USP34: variants seen among roughly 807,000 people sequenced by gnomAD.
USP34 encodes ubiquitin carboxyl-terminal hydrolase 34.
In USP34, 70 loss-of-function variants were observed where a neutral mutation model predicts 460.3. That is an observed-to-expected ratio of 0.15 (90% CI 0.13 to 0.19). USP34 has a LOEUF of 0.19. Among genes scored for constraint, USP34 ranks in the 10% least tolerant of loss-of-function variants. USP34 has a pLI of 1.00. For missense variants in USP34, 3,985 were observed against 4,236.2 expected, an observed-to-expected ratio of 0.94 and a Z score of 1.65; for synonymous variants, 1,647 against 1,405.3, an observed-to-expected ratio of 1.17 and a Z score of -3.85.
At chr2:61,353,192 G>C (rs149998502) in intron 10 of USP34, among the ~76,000 whole-genome samples, 2 of 152,178 alleles carry the variant, frequency 1.3e-5, no homozygotes, top group African/African-American at 2.4e-5. Context: ...TCTCTGTTCC[G>C]ACAGCTAGCT....
rs1692927407 is a variant in USP34, at chr2:61,380,117, T to C, written c.1014+52A>G. On this transcript the variant is annotated intron_variant, in intron 7 of 79. Transcript: ENST00000398571. ...CCATAAATAGTGGGTAGTATTATGA[T>C]AGACCAGAAAACAAATAAACGATGA... 5 of 1,535,530 alleles carry C rather than the reference T, an allele frequency of 3.3e-6. No homozygotes were observed. In the South Asian group the frequency reaches 6.1e-5, roughly 19 times the overall value.
chr2:61,403,481 A>T (rs1022626901), intron 3 of USP34, among the ~76,000 whole-genome samples: 1 of 152,328 alleles, frequency 6.6e-6, no homozygotes, highest in Admixed American at 6.5e-5. Flanking sequence ...GTGTTTATGT[A>T]GATTAAATAT....
intron 2 of USP34, among the ~76,000 whole-genome samples, chr2:61,407,374 G>C (rs568352885): frequency 4.6e-5 from 7 of 152,298 alleles, no homozygotes; most frequent in African/African-American, 9.6e-5. Flanking sequence ...AAAAGGCAGG[G>C]AACGGTCTGG....
intron 1 of USP34, among the ~76,000 whole-genome samples, chr2:61,436,295 GT>G (rs1694810339): frequency 6.6e-6 from 1 of 152,152 alleles, no homozygotes. Flanking sequence ...GTGCCAGCCT[GT>G]GCAACAGAGC....
chr2:61,246,905 C>T (rs959810656), intron 49 of USP34, among the ~76,000 whole-genome samples: 1 of 151,974 alleles, frequency 6.6e-6, no homozygotes, highest in Non-Finnish European at 1.5e-5. Context: ...TAGGAGCAGA[C>T]AAACCTAAGA....
At chr2:61,353,176 C>G (rs975649788) in intron 10 of USP34, among the ~76,000 whole-genome samples, 2 of 152,194 alleles carry the variant, frequency 1.3e-5, no homozygotes, top group Admixed American at 6.5e-5. Context: ...CCCTGAACAT[C>G]AAGATTCTCT....
intron 1 of USP34, among the ~76,000 whole-genome samples, chr2:61,424,403 G>A (rs1188239835): frequency 6.6e-6 from 1 of 152,166 alleles, no homozygotes; most frequent in African/African-American, 2.4e-5. Flanking sequence ...GTTACTCGGT[G>A]CATGACTGTA....
At chr2:61,395,326 A>C in intron 3 of USP34, 93 bp from the exon 4 acceptor site, 1 of 812,352 alleles carries the variant, frequency 1.2e-6, no homozygotes, top group African/African-American at 1.8e-5. Context: ...ATAAAAACCG[A>C]ATAAACAGAT....
intron 1 of USP34, among the ~76,000 whole-genome samples, chr2:61,435,307 C>CAAAAAAAAAAAAAAAAAAAAAAAAAAAAA (rs59158283): frequency 2.4e-5 from 1 of 40,950 alleles, no homozygotes; most frequent in African/African-American, 1.0e-4. Flanking sequence ...GACCTTGTTT[C>CAAAAAAAAAAAAAAAAAAAAAAAAAAAAA]AAAAAAAAAA....
intron 69 of USP34, among the ~76,000 whole-genome samples, chr2:61,210,283 A>T (rs1325675802): frequency 2.0e-5 from 3 of 152,326 alleles, no homozygotes; most frequent in East Asian, 3.9e-4. Context: ...TGCCCTACAC[A>T]AGTGTACCAT....
chr2:61,383,692 C>A (rs1374286830), intron 5 of USP34, among the ~76,000 whole-genome samples: 1 of 152,096 alleles, frequency 6.6e-6, no homozygotes, highest in Non-Finnish European at 1.5e-5. Context: ...TGCACTCCAG[C>A]CTGGGCAACG....
chr2:61,318,106 T>A (rs932402420), intron 22 of USP34, among the ~76,000 whole-genome samples: 1 of 150,722 alleles, frequency 6.6e-6, no homozygotes, highest in Non-Finnish European at 1.5e-5. Flanking sequence ...AGTGGGAGAA[T>A]TGCTTGAGCC....
At chr2:61,457,752 T>C (rs941601600) in intron 1 of USP34, among the ~76,000 whole-genome samples, 2 of 152,054 alleles carry the variant, frequency 1.3e-5, no homozygotes, top group African/African-American at 4.8e-5. Flanking sequence ...TCCCAGCTAC[T>C]TGGGAGGCTC....
At chr2:61,464,605 A>G (rs1245425392) in intron 1 of USP34, among the ~76,000 whole-genome samples, 2 of 151,060 alleles carry the variant, frequency 1.3e-5, no homozygotes, top group Non-Finnish European at 2.9e-5. Context: ...TAAAACAATG[A>G]CGTACACCAG....
chr2:61,346,915 A>C (rs1371137347), intron 15 of USP34, among the ~76,000 whole-genome samples: 1 of 151,208 alleles, frequency 6.6e-6, no homozygotes, highest in South Asian at 2.1e-4. Flanking sequence ...AGGCGGGCAG[A>C]TCATCTGAGG....
intron 47 of USP34, 116 bp downstream of exon 47, chr2:61,256,757 A>C: frequency 3.9e-6 from 3 of 761,304 alleles, no homozygotes; most frequent in Non-Finnish European, 5.9e-6. Context: ...TACAGTAAGA[A>C]GAAAATACAT....
chr2:61,319,697 T>C (rs1039997101), intron 21 of USP34, among the ~76,000 whole-genome samples: 1 of 151,880 alleles, frequency 6.6e-6, no homozygotes, highest in Non-Finnish European at 1.5e-5. Context: ...TACAAAAAAT[T>C]AGCTGGGCAT....
At chr2:61,251,004 G>A (rs1381639502) in intron 48 of USP34, among the ~76,000 whole-genome samples, 1 of 152,146 alleles carries the variant, frequency 6.6e-6, no homozygotes, top group Non-Finnish European at 1.5e-5. Flanking sequence ...CGGGCGTGGT[G>A]GCGGGCGCCT....
At position 61,301,106 on chromosome 2, in the gene USP34, G is replaced by C; in HGVS notation, c.3973C>G (p.Gln1325Glu). 2.5e-6 allele frequency: 4 copies of C among 1,614,014 alleles called. No homozygotes were observed. The highest frequency in any genetic ancestry group is 3.4e-6 in the Non-Finnish European group (4 of 1,179,992). The change falls in exon 29 of 80, where the codon CAG becomes GAG. Residue 1325 changes from glutamine (Q) to glutamate (E), a missense_variant. Coordinates refer to ENST00000398571, the MANE Select transcript of USP34 (RefSeq NM_014709.4). ...GGTGGGAGGCAAGATGCTGGCAGCT[G>C]AACACCTTCCCCTTTCCGCTCTCTC... ...PRRERKGEGV[Q>E]LPASCLPPPQ...
Sources: gnomAD v4.1 joint callset for allele counts (sites outside exome capture counted in the v4.1 genomes callset) on GRCh38, gnomAD v4.1.1 for gene constraint, MANE v1.5 for transcripts, NCBI Gene and HGNC (gene_info 2026-07-23, HGNC 2026-07-21) for gene names.